Variants in RHOT2 observed in about 807,000 individuals in gnomAD.
RHOT2 encodes the protein mitochondrial Rho GTPase 2.
RHOT2 carries 90 observed loss-of-function variants against 81.6 expected under a neutral mutation model. The ratio of observed to expected loss-of-function variants is 1.10; its 90% CI spans 0.93 to 1.31. The LOEUF is 1.31. Among genes scored for constraint, RHOT2 ranks in the 40% most tolerant of loss-of-function variants. The pLI is 0.00. For synonymous variants in RHOT2, 512 were observed against 370.9 expected, an observed-to-expected ratio of 1.38 and a Z score of -4.37; for missense variants, 1,014 against 841.9, an observed-to-expected ratio of 1.20 and a Z score of -2.53.
Position 672,418 on chromosome 16 carries a change from G to A in RHOT2, c.1326+34G>A, listed in dbSNP as rs139146073. 2.6e-5 allele frequency: 41 copies of A among 1,602,464 alleles called. 1 individual carries two copies. The East Asian group carries it at 8.7e-4, about 34-fold the overall frequency. On this transcript the variant is annotated intron_variant, in intron 15 of 18. Coordinates refer to ENST00000315082, the MANE Select transcript of RHOT2 (RefSeq NM_138769.3). The stretch of plus-strand genomic sequence containing the variant: ...CCTAGACTCCCCCACCACCCCAGGG[G>A]CTCCAGGGGCAGGGCAGGGCAATCT...
chr16:673,466 C>A lies in RHOT2; in HGVS notation c.1731-14C>A, dbSNP rs374332389. The A allele has an allele frequency of 2.4e-5, 39 of 1,612,620 alleles. No homozygotes were observed. Among genetic ancestry groups the A allele is most frequent in the Middle Eastern group, 3.3e-4 (2 of 6,052 alleles). On this transcript the variant is annotated splice_polypyrimidine_tract_variant and intron_variant, in intron 18 of 18. Transcript: ENST00000315082. Reference sequence around the variant, plus strand: ...GTGCCTGAGGTATCTGCAGATGATTCTTCTCTCTTGCAGACATTTGGTCCA... The same window carrying A: ...GTGCCTGAGGTATCTGCAGATGATTATTCTCTCTTGCAGACATTTGGTCCA...
chr16:671,802 C>T (rs747265425), intron 12 of RHOT2, 21 bp downstream of exon 12: 49 of 1,600,568 alleles, frequency 3.1e-5, no homozygotes, highest in Non-Finnish European at 5.1e-6. Flanking sequence ...GGCGAGTCCC[C>T]TGCCCCTGCC....
At position 671,066 on chromosome 16, in the gene RHOT2, G is replaced by C. The variant is rs2038846768; in HGVS notation, c.749-17G>C. On this transcript the variant is annotated splice_polypyrimidine_tract_variant and intron_variant, in intron 10 of 18. Transcript: ENST00000315082. ...GGGGGCTGTGCCTGGTGCTCCCCCT[G>C]CTTTGTCTCGGTGCAGGTTTCCTCT... The C allele has an allele frequency of 6.2e-7, 1 of 1,608,772 alleles. No homozygotes were observed. Among genetic ancestry groups the C allele is most frequent in the South Asian group, 1.1e-5 (1 of 91,054 alleles).
rs1167849578 is a variant in RHOT2 at position 671,176 on chromosome 16, A to C, written c.842A>C (p.Glu281Ala). Residue 281 changes from glutamate (E) to alanine (A), a missense_variant, in exon 11 of 19, where the codon GAG (glutamate) becomes GCG (alanine). Coordinates refer to ENST00000315082, the MANE Select transcript of RHOT2 (RefSeq NM_138769.3). ...LRRFGYSDAL[E>A]LTADYLSPLI... The stretch of plus-strand genomic sequence containing the variant: ...CGCTTCGGCTACAGCGATGCCCTGG[A>C]GCTGACTGCGGACTATCTCTCCCCT... 1 of 1,576,662 alleles carries C rather than the reference A, an allele frequency of 6.3e-7. No homozygotes were observed. The highest frequency in any genetic ancestry group is 1.4e-5 in the African/African-American group (1 of 73,748).
Position 669,355 on chromosome 16 carries a change from C to A in RHOT2, c.223-198C>A, listed in dbSNP as rs1190035942. 4 of 614,058 alleles carry A rather than the reference C, an allele frequency of 6.5e-6. No individual in the cohort carries two copies. The South Asian group carries it at 7.4e-5, about 11-fold the overall frequency. The allele number at this position is 614,058 out of a possible 1,614,324, so 38.0% of individuals were successfully genotyped here. On this transcript the variant is annotated intron_variant, in intron 4 of 18. Coordinates refer to ENST00000315082, the MANE Select transcript of RHOT2 (RefSeq NM_138769.3). ...TTCAGCAGCAGCTCCCAGTGTGACA[C>A]TGGGGAGTGCCTGCTCTGCCAACAC...
rs145366363 is a variant in RHOT2 at position 672,521 on chromosome 16, C to T, written c.1359C>T (p.Tyr453=). The change falls in exon 16 of 19, where the codon TAC becomes TAT. Residue 453 remains tyrosine (Y), a synonymous_variant. Transcript: ENST00000315082. ...HQDTREQPPG[Y]AIDTVQVNGQ... ...ACACGAGGGAGCAGCCTCCCGGCTA[C>T]GCCATCGACACGGTGCAGGTCAATG... 60 of 1,612,498 alleles carry T rather than the reference C, an allele frequency of 3.7e-5. No individual in the cohort carries two copies. The African/African-American group carries it at 4.8e-4, about 13-fold the overall frequency.
At position 670,032 on chromosome 16, in the gene RHOT2, C is replaced by T. The variant is rs1377424066; in HGVS notation, c.277-91C>T. The stretch of plus-strand genomic sequence containing the variant: ...GGCCCTCAGTGGGCCTTGACCTCCC[C>T]CTTCTGCTCTCCCCCAGCCAGGCTC... On this transcript the variant is annotated intron_variant, in intron 5 of 18. Coordinates refer to ENST00000315082, the MANE Select transcript of RHOT2 (RefSeq NM_138769.3). The T allele has an allele frequency of 3.9e-6, 5 of 1,267,456 alleles. No individual in the cohort carries two copies. In the Admixed American group the frequency reaches 7.3e-5, roughly 18 times the overall value. 78.5% of individuals were successfully genotyped at this position (1,267,456 alleles called of 1,614,324 possible). A position where few individuals can be genotyped will look rare whatever the true frequency, so the allele number is the denominator to read the frequency against.
intron 18 of RHOT2, 88 bp downstream of exon 18, chr16:673,218 A>T: frequency 7.0e-7 from 1 of 1,423,540 alleles, no homozygotes; most frequent in Non-Finnish European, 9.7e-7. Context: ...GGAACTGGGG[A>T]CTAGCAGTGT....
chr16:673,682 G>A lies in RHOT2; in HGVS notation c.*76G>A. The A allele has an allele frequency of 1.3e-6, 2 of 1,534,184 alleles. No individual in the cohort carries two copies. ...GGGGCTCTGCAGGGGCAGCACAGCT[G>A]GGGTGCAGGCCAGGCTGCCACTCCG... On this transcript the variant is annotated 3_prime_UTR_variant, in exon 19 of 19. Coordinates refer to ENST00000315082, the MANE Select transcript of RHOT2 (RefSeq NM_138769.3).
Position 671,810 on chromosome 16 carries a change from G to GCCCCTGGCCCCCCCCCCC in RHOT2, c.954+33_954+34insTGGCCCCCCCCCCCCCCC. The GCCCCTGGCCCCCCCCCCC allele has an allele frequency of 3.8e-6, 6 of 1,586,216 alleles. No homozygotes were observed. In the South Asian group the frequency reaches 6.7e-5, roughly 18 times the overall value. On this transcript the variant is annotated intron_variant, in intron 12 of 18. Transcript: ENST00000315082. ...AGAGCATGGCGAGTCCCCTGCCCCT[G>GCCCCTGGCCCCCCCCCCC]CCCCCGCCCCCTCCCCGGCACACAC...
Position 673,108 on chromosome 16 carries a change from C to T in RHOT2, c.1708C>T (p.Leu570Phe), listed in dbSNP as rs747842020. 4.3e-6 allele frequency: 7 copies of T among 1,611,284 alleles called. No homozygotes were observed. The South Asian group carries it at 7.7e-5, about 18-fold the overall frequency. The part of the protein sequence containing the change: ...AEPSTTIFTQ[L>F]ATMAAFPHLV... ...GCCCAGCACCACCATCTTCACCCAG[C>T]TCGCCACCATGGCCGCCTTCCCGTG... The change falls in exon 18 of 19, where the codon CTC becomes TTC. Residue 570 changes from leucine to phenylalanine, a missense_variant. Leu to Phe is a conservative substitution (Grantham distance 22). Transcript: ENST00000315082.
In RHOT2 at chr16:670,199, C is replaced by A. The variant is rs772014855; in HGVS notation, c.329+24C>A. ...AGGTAATGAGGGGATGTGGAAGGGG[C>A]TGGGACCCCTGGCTCCCCTGCCCCT... On this transcript the variant is annotated intron_variant, in intron 6 of 18. Transcript: ENST00000315082. 6.6e-5 allele frequency: 107 copies of A among 1,610,926 alleles called. 2 individuals are homozygous for A. In the South Asian group the frequency reaches 1.2e-3, roughly 18 times the overall value.
In RHOT2 at chr16:673,712, C is replaced by T. The variant is rs564886615; in HGVS notation, c.*106C>T. On this transcript the variant is annotated 3_prime_UTR_variant, in exon 19 of 19. Coordinates refer to ENST00000315082, the MANE Select transcript of RHOT2 (RefSeq NM_138769.3). ...GCAGGCCAGGCTGCCACTCCGGGAA[C>T]GCCTTTGCGCCGGGACTTTTTGTTT... 16 of 1,390,754 alleles carry T rather than the reference C, an allele frequency of 1.2e-5. No homozygotes were observed. The highest frequency in any genetic ancestry group is 9.6e-5 in the South Asian group (7 of 72,560). 86.2% of individuals were successfully genotyped at this position (1,390,754 alleles called of 1,614,324 possible). A position where few individuals can be genotyped will look rare whatever the true frequency, so the allele number is the denominator to read the frequency against.
At chr16:673,333 C>A in intron 18 of RHOT2, 147 bp from the exon 19 acceptor site, 1 of 1,316,412 alleles carries the variant, frequency 7.6e-7, no homozygotes, top group Admixed American at 1.8e-5. Context: ...CAGGCATGTC[C>A]CTCCAGGGCC....
rs1361301498 is a variant in RHOT2 at position 670,915 on chromosome 16, G to C, written c.663G>C (p.Leu221=). The change falls in exon 10 of 19, where the codon CTG becomes CTC. Residue 221 remains leucine, a synonymous_variant. Coordinates refer to ENST00000315082, the MANE Select transcript of RHOT2 (RefSeq NM_138769.3). ...AFQKSCFGHP[L]APQALEDVKT... ...AGAAATCCTGCTTTGGGCACCCCCTGGCCCCGCAGGCCCTGGAGGACGTGA... is the reference window on the plus strand; with the variant it reads ...AGAAATCCTGCTTTGGGCACCCCCTCGCCCCGCAGGCCCTGGAGGACGTGA... The C allele has an allele frequency of 1.3e-6, 2 of 1,568,922 alleles. No homozygotes were observed. Among genetic ancestry groups the C allele is most frequent in the Admixed American group, 1.8e-5 (1 of 57,004 alleles).
Position 669,834 on chromosome 16 carries a change from T to C in RHOT2, c.276+228T>C, listed in dbSNP as rs2038610448. ...CATTGAGGCCGGCAGTCCTCTTTCT[T>C]CCCCAGTTTCCAAACCCCCGGGGGG... On this transcript the variant is annotated intron_variant, in intron 5 of 18. Transcript: ENST00000315082. The C allele has an allele frequency of 1.5e-5, 9 of 616,668 alleles. 1 individual carries two copies. Among genetic ancestry groups the C allele is most frequent in the African/African-American group, 1.8e-5 (1 of 54,224 alleles). 38.2% of individuals were successfully genotyped at this position (616,668 alleles called of 1,614,324 possible). A position where few individuals can be genotyped will look rare whatever the true frequency, so the allele number is the denominator to read the frequency against.
chr16:672,841 G>A lies in RHOT2; in HGVS notation c.1527+16G>A. ...CGTCTACAAGGTGGGGCCCTGCAGG[G>A]GCCACGTGGCCATGGGGCAGGGTCT... On this transcript the variant is annotated intron_variant, in intron 17 of 18. Coordinates refer to ENST00000315082, the MANE Select transcript of RHOT2 (RefSeq NM_138769.3). 1.2e-6 allele frequency: 2 copies of A among 1,612,564 alleles called. No individual in the cohort carries two copies. Among genetic ancestry groups the A allele is most frequent in the East Asian group, 4.5e-5 (2 of 44,872 alleles).
chr16:669,955 G>A, intron 5 of RHOT2, 168 bp from the exon 6 acceptor site: 1 of 645,338 alleles, frequency 1.5e-6, no homozygotes, highest in Non-Finnish European at 2.6e-6. Context: ...AGATGAGGCT[G>A]CACCTGCTGC....
chr16:670,595 G>A (rs1319879908), intron 8 of RHOT2, 38 bp downstream of exon 8: 1 of 1,596,284 alleles, frequency 6.3e-7, no homozygotes, highest in Admixed American at 1.7e-5. Context: ...TGGTTCCCCA[G>A]GGGCCCAGGG....
Sources: allele counts gnomAD v4.1 joint callset, GRCh38; gene constraint gnomAD v4.1.1; transcripts MANE v1.5; gene names NCBI Gene and HGNC (gene_info 2026-07-23, HGNC 2026-07-21).